ABI2: variants seen among roughly 807,000 people sequenced by gnomAD.
ABI2 encodes abl interactor 2, also known as abelson interactor 2.
Under a neutral mutation model 59.2 loss-of-function variants are expected in ABI2, and 25 were observed. The observed-to-expected ratio is 0.42, with a 90% confidence interval of 0.31 to 0.59. The LOEUF (loss-of-function observed/expected upper bound fraction) is 0.59, where lower values mean the gene tolerates loss of function less well. Among genes scored for constraint, ABI2 ranks in the 20% least tolerant of loss-of-function variants. The pLI is 0.14. For missense variants in ABI2, 545 were observed against 681.8 expected (o/e 0.80, Z 2.23); for synonymous variants, 213 against 235.5 (o/e 0.90, Z 0.87).
rs769025104 is a variant in ABI2, at chr2:203,328,487, T to TGAG, written c.-10_-8dup. 1,049 of 1,514,960 alleles carry TGAG rather than the reference T, an allele frequency of 6.9e-4. 2 individuals carry two copies. Among genetic ancestry groups the TGAG allele is most frequent in the East Asian group, 1.8e-3 (77 of 41,832 alleles). The allele number at this position is 1,514,960 out of a possible 1,614,324, so 93.8% of individuals were successfully genotyped here. On this transcript the variant is annotated 5_prime_UTR_variant, in exon 1 of 12. The change creates a new upstream start codon in the 5' untranslated region. Coordinates refer to ENST00000261018, the MANE Select transcript of ABI2 (RefSeq NM_001375670.1). Reference sequence around the variant, plus strand: ...GCCGCCGCTCCCTCTGCGACCTGTATGAGGAGGAGGAGGAGGAGGATGTGA... The same window carrying TGAG: ...GCCGCCGCTCCCTCTGCGACCTGTATGAGGAGGAGGAGGAGGAGGAGGATGTGA...
chr2:203,378,925 G>T (rs1341003759), intron 2 of ABI2, among the ~76,000 whole-genome samples: 2 of 152,064 alleles, frequency 1.3e-5, no homozygotes, highest in African/African-American at 4.8e-5. Flanking sequence ...GACTTTTCAA[G>T]AAACAGTATT....
At chr2:203,332,726 G>T (rs1207260369) in intron 1 of ABI2, among the ~76,000 whole-genome samples, 1 of 152,164 alleles carries the variant, frequency 6.6e-6, no homozygotes, top group African/African-American at 2.4e-5. Context: ...ACAAATAGAA[G>T]AATTTTTATT....
rs543083013 is a variant in ABI2, at chr2:203,398,098, T to C, written c.1033+1131T>C. Among the ~76,000 whole-genome samples, 5 of 152,392 alleles carry C rather than the reference T, an allele frequency of 3.3e-5. No individual in the cohort carries two copies. In the South Asian group the frequency reaches 1.0e-3, roughly 32 times the overall value. ...ATATTCAGCTTTGCTGTTATACATG[T>C]TAAACATATATAAGATCTTTACATG... On this transcript the variant is annotated intron_variant, in intron 8 of 11. Transcript: ENST00000261018.
intron 11 of ABI2, among the ~76,000 whole-genome samples, chr2:203,422,891 T>C (rs1398654263): frequency 1.3e-5 from 2 of 152,224 alleles, no homozygotes; most frequent in Non-Finnish European, 2.9e-5. Flanking sequence ...GGACAGGTTA[T>C]AACATAAATT....
At chr2:203,394,924 A>G in intron 6 of ABI2, 78 bp downstream of exon 6, 2 of 1,502,844 alleles carry the variant, frequency 1.3e-6, no homozygotes, top group South Asian at 2.3e-5. Flanking sequence ...TAAATCTCTC[A>G]TTTTCCAAGC....
intron 1 of ABI2, among the ~76,000 whole-genome samples, chr2:203,365,924 C>G (rs766596999): frequency 3.3e-5 from 5 of 151,900 alleles, no homozygotes; most frequent in Non-Finnish European, 7.4e-5. Context: ...CCACCGTGCC[C>G]GGCCGGGGCT....
At chr2:203,363,056 C>T (rs1367215835) in intron 1 of ABI2, among the ~76,000 whole-genome samples, 2 of 152,068 alleles carry the variant, frequency 1.3e-5, no homozygotes, top group Admixed American at 6.6e-5. Flanking sequence ...GTCTTGAACT[C>T]CTGGCCTCAA....
intron 1 of ABI2, among the ~76,000 whole-genome samples, chr2:203,332,943 A>T (rs1482771443): frequency 6.6e-6 from 1 of 152,216 alleles, no homozygotes; most frequent in African/African-American, 2.4e-5. Context: ...ATATGGATTT[A>T]TTCAAAAGAG....
rs946907758 is a variant in ABI2, at chr2:203,430,452, T to G, written c.*3100T>G. On this transcript the variant is annotated 3_prime_UTR_variant, in exon 12 of 12. Coordinates refer to ENST00000261018, the MANE Select transcript of ABI2 (RefSeq NM_001375670.1). ...TTCTTGTCATATTAATACTCGAAAG[T>G]CCATGGTGGTATTAATGAAAGTACA... is the stretch of plus-strand genomic sequence containing the variant. 1.3e-5 allele frequency: 2 copies of G among 152,168 alleles called. No homozygotes were observed. The highest frequency in any genetic ancestry group is 4.8e-5 in the African/African-American group (2 of 41,440). 9.4% of individuals were successfully genotyped at this position (152,168 alleles called of 1,614,324 possible).
intron 7 of ABI2, 47 bp downstream of exon 7, chr2:203,395,827 G>T: frequency 2.0e-6 from 3 of 1,500,090 alleles, no homozygotes; most frequent in South Asian, 1.4e-5. Context: ...TTCTGAATTT[G>T]ATTCAATTTG....
intron 1 of ABI2, among the ~76,000 whole-genome samples, chr2:203,356,698 G>T (rs1229526087): frequency 6.6e-6 from 1 of 152,054 alleles, no homozygotes; most frequent in Non-Finnish European, 1.5e-5. Flanking sequence ...TGGAGATGAT[G>T]TCTCACCATG....
chr2:203,346,451 T>A (rs940481944), intron 1 of ABI2, among the ~76,000 whole-genome samples: 9 of 152,244 alleles, frequency 5.9e-5, no homozygotes, highest in Non-Finnish European at 1.2e-4. Context: ...ACTGCCTGAA[T>A]GAACACATCA....
chr2:203,338,983 A>AATATATATATATATATATATATATAT (rs1212962939), intron 1 of ABI2, among the ~76,000 whole-genome samples: 1 of 12,336 alleles, frequency 8.1e-5, no homozygotes, highest in Admixed American at 1.1e-3. Flanking sequence ...TATATATATA[A>AATATATATATATATATATATATATAT]ATATATATAT....
chr2:203,377,425 G>A (rs951485162), intron 2 of ABI2, among the ~76,000 whole-genome samples: 45 of 152,206 alleles, frequency 3.0e-4, no homozygotes, highest in Middle Eastern at 6.8e-3. Flanking sequence ...AATAAGTTAA[G>A]TACATTTCTA....
At chr2:203,413,042 G>A (rs1048189533) in intron 10 of ABI2, among the ~76,000 whole-genome samples, 1 of 152,070 alleles carries the variant, frequency 6.6e-6, no homozygotes, top group Non-Finnish European at 1.5e-5. Context: ...TAATACCCTG[G>A]GAGTTTTTTC....
At chr2:203,414,180 C>T (rs2097791566) in intron 10 of ABI2, among the ~76,000 whole-genome samples, 1 of 150,854 alleles carries the variant, frequency 6.6e-6, no homozygotes, top group African/African-American at 2.4e-5. Flanking sequence ...TGGCTCTCTG[C>T]CACCTTCCCC....
At chr2:203,378,143 C>T (rs1386825633) in intron 2 of ABI2, among the ~76,000 whole-genome samples, 5 of 148,490 alleles carry the variant, frequency 3.4e-5, no homozygotes, top group South Asian at 2.1e-4. Flanking sequence ...GATGGAGTCT[C>T]GCTCTGTTGC....
chr2:203,338,963 A>ATAT (rs2078058480), intron 1 of ABI2, among the ~76,000 whole-genome samples: 1 of 9,992 alleles, frequency 1.0e-4, no homozygotes, highest in African/African-American at 3.6e-4. Flanking sequence ...TATATATATA[A>ATAT]ATATATATAT....
intron 9 of ABI2, among the ~76,000 whole-genome samples, chr2:203,404,289 T>C (rs1158162708): frequency 6.6e-6 from 1 of 152,220 alleles, no homozygotes; most frequent in Non-Finnish European, 1.5e-5. Context: ...TTCACTGTTC[T>C]GGGTCCCTCT....
Sources: allele counts gnomAD v4.1 joint callset (sites outside exome capture counted in the v4.1 genomes callset), GRCh38; gene constraint gnomAD v4.1.1; transcripts MANE v1.5; gene names NCBI Gene and HGNC (gene_info 2026-07-23, HGNC 2026-07-21).